EBF1: variants seen among roughly 807,000 people sequenced by gnomAD.
EBF1 encodes the protein EBF transcription factor 1, also known as transcription factor COE1.
In EBF1, 10 loss-of-function variants were observed where a neutral mutation model predicts 68.4. The ratio of observed to expected loss-of-function variants is 0.15; its 90% CI spans 0.09 to 0.25. The LOEUF (loss-of-function observed/expected upper bound fraction) is 0.25. Among genes scored for constraint, EBF1 ranks in the 10% least tolerant of loss-of-function variants. The pLI is 1.00. For missense variants in EBF1, 509 were observed against 794.4 expected (o/e 0.64, Z 4.32); for synonymous variants, 298 against 299.8 (o/e 0.99, Z 0.06).
intron 6 of EBF1, among the ~76,000 whole-genome samples, chr5:158,988,920 T>C (rs1759697193): frequency 6.6e-6 from 1 of 152,236 alleles, no homozygotes; most frequent in South Asian, 2.1e-4. Flanking sequence ...ATTCAGCAGC[T>C]GGTATCTCCA....
At chr5:158,987,766 A>G (rs1329770044) in intron 6 of EBF1, among the ~76,000 whole-genome samples, 1 of 152,250 alleles carries the variant, frequency 6.6e-6, no homozygotes, top group Admixed American at 6.5e-5. Flanking sequence ...CTGAAGTAAC[A>G]TAAATGAACT....
chr5:158,699,218 A>G (rs1238416912), intron 15 of EBF1, 76 bp from the exon 16 acceptor site: 1 of 1,468,964 alleles, frequency 6.8e-7, no homozygotes, highest in South Asian at 1.3e-5. Flanking sequence ...GAAGACTAAA[A>G]AAAAAAAAAC....
chr5:158,727,404 C>A (rs535465641), intron 11 of EBF1, among the ~76,000 whole-genome samples: 1 of 152,138 alleles, frequency 6.6e-6, no homozygotes, highest in African/African-American at 2.4e-5. Flanking sequence ...TGCATCACTG[C>A]GGCCATCAGC....
At chr5:158,997,295 G>A (rs1761612949) in intron 6 of EBF1, among the ~76,000 whole-genome samples, 2 of 152,156 alleles carry the variant, frequency 1.3e-5, no homozygotes. Context: ...CCTCTAAAGA[G>A]CAGAGGCCAG....
chr5:158,730,768 G>C (rs1014398503), intron 11 of EBF1, among the ~76,000 whole-genome samples: 7 of 152,190 alleles, frequency 4.6e-5, no homozygotes, highest in African/African-American at 1.7e-4. Flanking sequence ...ATGTGACCTT[G>C]AGCAAATTAT....
intron 8 of EBF1, among the ~76,000 whole-genome samples, chr5:158,809,112 C>T (rs1488780703): frequency 6.6e-6 from 1 of 152,112 alleles, no homozygotes; most frequent in Non-Finnish European, 1.5e-5. Flanking sequence ...CAGACAGGGA[C>T]CTCATTCATT....
chr5:159,070,701 G>T (rs77534414), intron 6 of EBF1, among the ~76,000 whole-genome samples: 11 of 152,294 alleles, frequency 7.2e-5, no homozygotes, highest in Admixed American at 7.2e-4. Flanking sequence ...AGTTGACTGC[G>T]TGTTAAAACT....
At chr5:158,712,409 A>G in intron 13 of EBF1, 76 bp from the exon 14 acceptor site, 1 of 1,542,108 alleles carries the variant, frequency 6.5e-7, no homozygotes, top group Non-Finnish European at 8.8e-7. Flanking sequence ...GGGGAAAGGA[A>G]GGTCTCTGTT....
At chr5:158,718,264 T>C (rs919638884) in intron 11 of EBF1, among the ~76,000 whole-genome samples, 3 of 151,790 alleles carry the variant, frequency 2.0e-5, no homozygotes, top group Admixed American at 1.3e-4. Flanking sequence ...TCACAAAAGA[T>C]TGTCGCCATC....
At chr5:158,827,029 G>A (rs1786299191) in intron 7 of EBF1, among the ~76,000 whole-genome samples, 1 of 152,088 alleles carries the variant, frequency 6.6e-6, no homozygotes. Flanking sequence ...CTCTCAATGG[G>A]AATAACCACC....
chr5:158,967,164 A>G (rs1369590322), intron 6 of EBF1, among the ~76,000 whole-genome samples: 2 of 152,310 alleles, frequency 1.3e-5, no homozygotes, highest in Non-Finnish European at 2.9e-5. Flanking sequence ...CCATTTAACA[A>G]ATGCACAGGG....
At chr5:158,881,350 C>T (rs2128089336) in intron 6 of EBF1, among the ~76,000 whole-genome samples, 1 of 152,294 alleles carries the variant, frequency 6.6e-6, no homozygotes, top group African/African-American at 2.4e-5. Context: ...GATTCTGACG[C>T]TTAAATAATC....
At chr5:158,805,286 G>A (rs1027606268) in intron 8 of EBF1, among the ~76,000 whole-genome samples, 2 of 152,126 alleles carry the variant, frequency 1.3e-5, no homozygotes, top group South Asian at 2.1e-4. Flanking sequence ...ATATGAGCAA[G>A]TCTAGTGGAA....
At chr5:159,069,849 T>C (rs748421999) in intron 6 of EBF1, among the ~76,000 whole-genome samples, 3 of 152,278 alleles carry the variant, frequency 2.0e-5, no homozygotes, top group South Asian at 2.1e-4. Flanking sequence ...GTTTTATTTA[T>C]TGAACTAAGA....
intron 6 of EBF1, among the ~76,000 whole-genome samples, chr5:158,943,447 G>C (rs1330817980): frequency 1.3e-5 from 2 of 152,098 alleles, no homozygotes; most frequent in African/African-American, 2.4e-5. Context: ...AAGGTGAAAG[G>C]CTATATAATA....
chr5:158,823,052 A>C (rs1472114928), intron 8 of EBF1, 124 bp downstream of exon 8: 1 of 1,350,286 alleles, frequency 7.4e-7, no homozygotes, highest in Admixed American at 1.9e-5. Context: ...CTAGAGGACC[A>C]ATCTTATTCA....
chr5:159,025,225 C>G (rs1216369231), intron 6 of EBF1, among the ~76,000 whole-genome samples: 1 of 152,190 alleles, frequency 6.6e-6, no homozygotes, highest in Non-Finnish European at 1.5e-5. Context: ...AACTGCCTTT[C>G]TTTGACATCA....
chr5:158,799,613 G>A (rs1780220479), intron 8 of EBF1, among the ~76,000 whole-genome samples: 1 of 152,104 alleles, frequency 6.6e-6, no homozygotes, highest in Admixed American at 6.5e-5. Flanking sequence ...TGTAGACCAA[G>A]GCAAGACATA....
intron 6 of EBF1, among the ~76,000 whole-genome samples, chr5:159,043,667 G>T (rs1052435205): frequency 2.5e-4 from 38 of 152,194 alleles, no homozygotes; most frequent in Non-Finnish European, 4.7e-4. Flanking sequence ...ATAAACAGCT[G>T]GAAATAGCTT....
Sources: allele counts gnomAD v4.1 joint callset (sites outside exome capture counted in the v4.1 genomes callset), GRCh38; gene constraint gnomAD v4.1.1; transcripts MANE v1.5; gene names NCBI Gene and HGNC (gene_info 2026-07-23, HGNC 2026-07-21).